Variants in TBX15 observed in about 807,000 individuals in gnomAD.
The protein encoded by TBX15 is T-box transcription factor 15, also known as T-box transcription factor TBX15.
TBX15 carries 18 observed loss-of-function variants against 53.9 expected under a neutral mutation model. The observed-to-expected ratio is 0.33, with a 90% CI of 0.23 to 0.49. The LOEUF is 0.49. Ranked by LOEUF, TBX15 falls within the 20% of genes least tolerant of loss-of-function variation. The probability of loss-of-function intolerance (pLI) is 0.98; values close to 1 mark genes in which losing one functional copy is unlikely to be tolerated. For missense variants in TBX15, 692 were observed against 749.5 expected (o/e 0.92, Z 0.90); for synonymous variants, 295 against 278.0 (o/e 1.06, Z -0.61).
intron 6 of TBX15, among the ~76,000 whole-genome samples, chr1:118,901,962 G>T (rs1448244272): frequency 6.6e-6 from 1 of 152,104 alleles, no homozygotes; most frequent in Non-Finnish European, 1.5e-5. Flanking sequence ...GTGGAATTGT[G>T]TGGGGAGGGT....
chr1:118,910,403 A>G (rs1654991419), intron 6 of TBX15, among the ~76,000 whole-genome samples: 1 of 141,454 alleles, frequency 7.1e-6, no homozygotes, highest in Admixed American at 7.6e-5. Context: ...TAGATTTACA[A>G]GATTTTTGTT....
At chr1:118,908,768 AC>A (rs1450184383) in intron 6 of TBX15, among the ~76,000 whole-genome samples, 2 of 151,938 alleles carry the variant, frequency 1.3e-5, no homozygotes, top group Non-Finnish European at 2.9e-5. Flanking sequence ...TCTCTCACAC[AC>A]ACACACACAC....
At chr1:118,904,872 T>A (rs1654759365) in intron 6 of TBX15, among the ~76,000 whole-genome samples, 1 of 152,220 alleles carries the variant, frequency 6.6e-6, no homozygotes, top group African/African-American at 2.4e-5. Context: ...TTCAAACTGC[T>A]ACCCTGCTGA....
At chr1:118,970,524 C>T (rs1442944686) in intron 1 of TBX15, among the ~76,000 whole-genome samples, 1 of 152,174 alleles carries the variant, frequency 6.6e-6, no homozygotes, top group Non-Finnish European at 1.5e-5. Flanking sequence ...CATCTCTTTC[C>T]AAGCAGCAGC....
At position 118,923,883 on chromosome 1, in the gene TBX15, A is replaced by G. The variant is rs182432604; in HGVS notation, c.694-280T>C. ...AATGACTTCTTTAGTACCAATGGACATGTCACTAAAAGGTTTCAGAACCTC... is the reference window on the plus strand; with the variant it reads ...AATGACTTCTTTAGTACCAATGGACGTGTCACTAAAAGGTTTCAGAACCTC... On this transcript the variant is annotated intron_variant, in intron 4 of 7. Coordinates refer to ENST00000369429, the MANE Select transcript of TBX15 (RefSeq NM_001330677.2). Among the ~76,000 whole-genome samples the G allele has an allele frequency of 3.3e-3, 502 of 152,338 alleles. 2 individuals carry two copies. The highest frequency in any genetic ancestry group is 0.016 in the South Asian group (75 of 4,822).
At position 118,926,238 on chromosome 1, in the gene TBX15, T is replaced by C. The variant is rs56184857; in HGVS notation, c.521+272A>G. On this transcript the variant is annotated intron_variant, in intron 3 of 7. Coordinates refer to ENST00000369429, the MANE Select transcript of TBX15 (RefSeq NM_001330677.2). The stretch of plus-strand genomic sequence containing the variant: ...TCAATATGTTAATCACTTCCAATGT[T>C]AATTAAATTAATTTTAGACTTAAGA... Among the ~76,000 whole-genome samples the C allele has an allele frequency of 0.13, 19,547 of 152,228 alleles. 1,779 individuals are homozygous for C. The highest frequency in any genetic ancestry group is 0.18 in the Non-Finnish European group (12,177 of 67,984).
At chr1:118,975,225 G>A (rs937661260) in intron 1 of TBX15, among the ~76,000 whole-genome samples, 4 of 152,174 alleles carry the variant, frequency 2.6e-5, no homozygotes, top group African/African-American at 7.2e-5. Flanking sequence ...TGTCGGGAAG[G>A]CTGCACGTGT....
intron 1 of TBX15, among the ~76,000 whole-genome samples, chr1:118,958,123 A>T (rs1656752960): frequency 6.6e-6 from 1 of 152,234 alleles, no homozygotes; most frequent in Non-Finnish European, 1.5e-5. Context: ...CAAAACCCTA[A>T]CCTCCAATGT....
chr1:118,893,485 G>GGAAAGAAAGAAAGAAAGAAA lies in TBX15; in HGVS notation c.1024+5523_1024+5542dup, dbSNP rs55891659. 1.9e-3 allele frequency among the ~76,000 whole-genome samples: 140 copies of GGAAAGAAAGAAAGAAAGAAA among 72,110 alleles called. 1 individual carries two copies. The highest frequency in any genetic ancestry group is 4.4e-3 in the East Asian group (11 of 2,522). The allele number at this position is 72,110 out of a possible 152,430, so 47.3% of individuals were successfully genotyped here. A position where few individuals can be genotyped will look rare whatever the true frequency, so the allele number is the denominator to read the frequency against. ...GGAAAGAAAGGAAGGAAGGAAGGAA[G>GGAAAGAAAGAAAGAAAGAAA]GAAAGAAAGAAAGAAAGAAAGAAAG... On this transcript the variant is annotated intron_variant, in intron 7 of 7. Coordinates refer to ENST00000369429, the MANE Select transcript of TBX15 (RefSeq NM_001330677.2).
chr1:118,969,848 T>C (rs1657172015), intron 1 of TBX15, among the ~76,000 whole-genome samples: 1 of 152,218 alleles, frequency 6.6e-6, no homozygotes, highest in Non-Finnish European at 1.5e-5. Flanking sequence ...AAGGCATCCA[T>C]TCACCTCCAG....
upstream of TBX15, among the ~76,000 whole-genome samples, chr1:118,989,181 G>A (rs1373735566): frequency 1.3e-5 from 2 of 152,198 alleles, no homozygotes; most frequent in Non-Finnish European, 2.9e-5. Context: ...AGAAGAGAAG[G>A]AGCTTTTTCA....
rs536044359 is a variant in TBX15, at chr1:118,884,605, G to GAA, written c.*125_*126dup. 48,421 of 734,556 alleles carry GAA rather than the reference G, an allele frequency of 0.066. 50 individuals are homozygous for GAA. Among genetic ancestry groups the GAA allele is most frequent in the South Asian group, 0.073 (3,446 of 47,000 alleles). 45.5% of individuals were successfully genotyped at this position (734,556 alleles called of 1,614,324 possible). ...GTTCTTGGGTATATGTCTTCGGCCA[G>GAA]AAAAAAAAAAAAAAAAAAAACACGG... On this transcript the variant is annotated 3_prime_UTR_variant, in exon 8 of 8. Transcript: ENST00000369429.
At chr1:118,981,151 T>C (rs1368714734) in intron 1 of TBX15, among the ~76,000 whole-genome samples, 1 of 152,186 alleles carries the variant, frequency 6.6e-6, no homozygotes, top group Admixed American at 6.5e-5. Flanking sequence ...CTGACTTTGG[T>C]CACAGTCATC....
In TBX15 at chr1:118,885,261, C is replaced by T; in HGVS notation, c.1280G>A (p.Gly427Asp). 6.2e-7 allele frequency: 1 copy of T among 1,614,052 alleles called. No individual in the cohort carries two copies. The highest frequency in any genetic ancestry group is 2.2e-5 in the East Asian group (1 of 44,836). The change falls in exon 8 of 8, where the codon GGC becomes GAC. Residue 427 changes from glycine (G) to aspartate (D), a missense_variant. Gly to Asp is a moderately conservative substitution (Grantham distance 94). Coordinates refer to ENST00000369429, the MANE Select transcript of TBX15 (RefSeq NM_001330677.2). ...AGAGGGCTGAGTGGCTGAAGTGGTG[C>T]CACTCTGAAGCCTGTTGTAGCCACT... ...SDSGYNRLQS[G>D]TTSATQPSET... is the part of the protein sequence containing the mutation.
chr1:118,888,073 T>C (rs187092596), intron 7 of TBX15, among the ~76,000 whole-genome samples: 4 of 152,312 alleles, frequency 2.6e-5, no homozygotes, highest in Non-Finnish European at 5.9e-5. Flanking sequence ...CTTAAAATCC[T>C]TTAAGAAAAG....
At chr1:118,943,230 G>A (rs149882958) in intron 1 of TBX15, among the ~76,000 whole-genome samples, 26 of 152,298 alleles carry the variant, frequency 1.7e-4, no homozygotes, top group African/African-American at 6.3e-4. Context: ...GTCCCTATGA[G>A]AGAGACAGAA....
At chr1:118,961,015 T>G (rs192522316) in intron 1 of TBX15, among the ~76,000 whole-genome samples, 2 of 152,024 alleles carry the variant, frequency 1.3e-5, no homozygotes, top group Non-Finnish European at 2.9e-5. Context: ...GCAAAAGAAG[T>G]GAGTGGCAGT....
At position 118,884,295 on chromosome 1, in the gene TBX15, A is replaced by C. The variant is rs890777726; in HGVS notation, c.*437T>G. The C allele has an allele frequency of 9.9e-6, 2 of 202,178 alleles. No homozygotes were observed. The highest frequency in any genetic ancestry group is 1.1e-4 in the Admixed American group (2 of 18,908). The allele number at this position is 202,178 out of a possible 1,614,324, so 12.5% of individuals were successfully genotyped here. ...TTCACCCAGTTCAGAGTCAGTGTGC[A>C]TGTATGATTGCATGTGTATGAATTG... On this transcript the variant is annotated 3_prime_UTR_variant, in exon 8 of 8. Coordinates refer to ENST00000369429, the MANE Select transcript of TBX15 (RefSeq NM_001330677.2).
At chr1:118,892,128 G>T (rs1374051441) in intron 7 of TBX15, among the ~76,000 whole-genome samples, 4 of 149,212 alleles carry the variant, frequency 2.7e-5, no homozygotes, top group South Asian at 4.2e-4. Flanking sequence ...AGGGATTTCA[G>T]CTACGTAAAT....
Sources: allele counts gnomAD v4.1 joint callset (sites outside exome capture counted in the v4.1 genomes callset), GRCh38; gene constraint gnomAD v4.1.1; transcripts MANE v1.5; gene names NCBI Gene and HGNC (gene_info 2026-07-23, HGNC 2026-07-21).